Variants in DTNB observed in about 807,000 individuals in gnomAD.
DTNB encodes the protein dystrobrevin beta, also known as DTN-B.
DTNB carries 63 observed loss-of-function variants against 90.7 expected under a neutral mutation model. The ratio of observed to expected loss-of-function variants is 0.69; its 90% confidence interval spans 0.57 to 0.86. DTNB has a LOEUF of 0.86. Among genes scored for constraint, DTNB ranks in the 40% least tolerant of loss-of-function variants. The pLI is 0.00. For missense variants in DTNB, 744 were observed against 807.1 expected (o/e 0.92, Z 0.95); for synonymous variants, 277 against 286.7 (o/e 0.97, Z 0.34).
intron 5 of DTNB, among the ~76,000 whole-genome samples, chr2:25,596,635 T>G (rs970400050): frequency 2.6e-5 from 4 of 152,160 alleles, no homozygotes; most frequent in Non-Finnish European, 4.4e-5. Context: ...CATGATTGAG[T>G]ATATAAATAC....
intron 3 of DTNB, among the ~76,000 whole-genome samples, chr2:25,629,826 G>A (rs894839888): frequency 2.0e-5 from 3 of 152,166 alleles, no homozygotes; most frequent in Non-Finnish European, 2.9e-5. Flanking sequence ...AAGACTGAAA[G>A]CTCTCCCCTC....
At chr2:25,577,634 A>T (rs1239918848) in intron 7 of DTNB, among the ~76,000 whole-genome samples, 1 of 152,218 alleles carries the variant, frequency 6.6e-6, no homozygotes, top group Admixed American at 6.5e-5. Flanking sequence ...ATCACTATTT[A>T]TACTTTTAAA....
chr2:25,383,191 C>CTCT (rs67551660), intron 19 of DTNB, among the ~76,000 whole-genome samples: 1 of 21,040 alleles, frequency 4.8e-5, no homozygotes, highest in East Asian at 3.2e-4. Flanking sequence ...TTCATTTGAT[C>CTCT]TATTTATTTT....
At chr2:25,545,475 T>A (rs1054329913) in intron 8 of DTNB, among the ~76,000 whole-genome samples, 4 of 152,304 alleles carry the variant, frequency 2.6e-5, no homozygotes, top group Non-Finnish European at 5.9e-5. Flanking sequence ...AGAGGGATTT[T>A]TTTTGTCTTC....
chr2:25,635,071 T>G (rs858658), intron 3 of DTNB, among the ~76,000 whole-genome samples: 9,369 of 131,400 alleles, frequency 0.071, 368 homozygotes, highest in South Asian at 0.12. Context: ...AATAAAAAAA[T>G]AAAAAAAGAA....
chr2:25,449,891 T>C (rs2059015601), intron 12 of DTNB, among the ~76,000 whole-genome samples: 1 of 151,906 alleles, frequency 6.6e-6, no homozygotes, highest in East Asian at 1.9e-4. Context: ...GCCTCCCAAG[T>C]AGCTGGGACT....
At chr2:25,486,496 T>C (rs2066183020) in intron 9 of DTNB, among the ~76,000 whole-genome samples, 1 of 151,804 alleles carries the variant, frequency 6.6e-6, no homozygotes, top group Non-Finnish European at 1.5e-5. Flanking sequence ...GAGTCTGGCA[T>C]GGTTGCACGT....
chr2:25,611,665 G>A (rs2068652457), intron 4 of DTNB, among the ~76,000 whole-genome samples: 1 of 152,080 alleles, frequency 6.6e-6, no homozygotes, highest in Non-Finnish European at 1.5e-5. Flanking sequence ...CCGTCCTTAG[G>A]ATCCTATCGA....
chr2:25,657,475 G>T (rs12478242), intron 1 of DTNB, among the ~76,000 whole-genome samples: 72,375 of 151,998 alleles, frequency 0.48, 17,923 homozygotes, highest in East Asian at 0.79. Flanking sequence ...CCAACAGGAT[G>T]TGGAAGGCTG....
At chr2:25,577,746 T>A (rs56358060) in intron 7 of DTNB, among the ~76,000 whole-genome samples, 11,604 of 152,088 alleles carry the variant, frequency 0.076, 1,398 homozygotes, top group African/African-American at 0.26. Flanking sequence ...CTCACGCCTG[T>A]AATCCTAGCA....
At chr2:25,491,179 A>C (rs1211363901) in intron 9 of DTNB, among the ~76,000 whole-genome samples, 2 of 149,986 alleles carry the variant, frequency 1.3e-5, no homozygotes, top group Non-Finnish European at 3.0e-5. Flanking sequence ...AGAGGGAGAG[A>C]GAGAGGGAGG....
At chr2:25,442,658 G>A (rs1334534045) in intron 12 of DTNB, among the ~76,000 whole-genome samples, 2 of 152,180 alleles carry the variant, frequency 1.3e-5, no homozygotes, top group African/African-American at 2.4e-5. Flanking sequence ...GGTTATGTAA[G>A]TAAAAAACAC....
intron 16 of DTNB, among the ~76,000 whole-genome samples, chr2:25,394,121 A>G (rs1385701340): frequency 6.6e-6 from 1 of 152,190 alleles, no homozygotes. Flanking sequence ...TCTTTGACAA[A>G]GCAAACAAAA....
chr2:25,670,057 A>G (rs1450353800), intron 1 of DTNB, among the ~76,000 whole-genome samples: 3 of 152,216 alleles, frequency 2.0e-5, no homozygotes, highest in Admixed American at 6.5e-5. Context: ...CACTGCAGCA[A>G]CGGTCCTTAA....
rs774642204 is a variant in DTNB at position 25,433,927 on chromosome 2, T to C, written c.1326A>G (p.Glu442=). 2 of 1,613,824 alleles carry C rather than the reference T, an allele frequency of 1.2e-6. No individual in the cohort carries two copies. The highest frequency in any genetic ancestry group is 1.7e-5 in the Admixed American group (1 of 59,996). Reference sequence around the variant, plus strand: ...GTTCTTACCTGTTTTTGTTTTCCAGTTCTGCAATAAGCTGTCTTTGTTGTT... The same window carrying C: ...GTTCTTACCTGTTTTTGTTTTCCAGCTCTGCAATAAGCTGTCTTTGTTGTT... ...ANKQQRQLIA[E]LENKNREILQ... The change falls in exon 13 of 21, where the codon GAA becomes GAG. Residue 442 remains glutamate, a synonymous_variant. Transcript: ENST00000406818.
chr2:25,459,722 G>A (rs527244162), intron 10 of DTNB, among the ~76,000 whole-genome samples: 11 of 152,220 alleles, frequency 7.2e-5, no homozygotes, highest in Non-Finnish European at 1.6e-4. Flanking sequence ...TTGAACTCCT[G>A]ACTTCAAGTG....
At chr2:25,658,337 C>G (rs1415772227) in intron 1 of DTNB, among the ~76,000 whole-genome samples, 1 of 152,018 alleles carries the variant, frequency 6.6e-6, no homozygotes, top group South Asian at 2.1e-4. Context: ...TGGGAATGCA[C>G]AAGCAGTCAC....
rs767471773 is a variant in DTNB, at chr2:25,576,872, C to T, written c.842G>A (p.Ser281Asn). The T allele has an allele frequency of 6.2e-7, 1 of 1,613,042 alleles. No individual in the cohort carries two copies. ...FWRGHAGGPH[S>N]NQHQMKEHSS... ...ATGCTCCTTCATCTGGTGCTGGTTGCTGTGAGGGCCGCCGGCATGGCCACG... is the reference window on the plus strand; with the variant it reads ...ATGCTCCTTCATCTGGTGCTGGTTGTTGTGAGGGCCGCCGGCATGGCCACG... Residue 281 changes from serine to asparagine, a missense_variant, in exon 8 of 21, where the codon AGC becomes AAC. Coordinates refer to ENST00000406818, the MANE Select transcript of DTNB (RefSeq NM_021907.5).
intron 16 of DTNB, among the ~76,000 whole-genome samples, chr2:25,399,114 T>C (rs2043068774): frequency 6.6e-6 from 1 of 152,204 alleles, no homozygotes; most frequent in Admixed American, 6.5e-5. Context: ...AGTGGCGCGA[T>C]CTCGGCTCAC....
Sources: gnomAD v4.1 joint callset for allele counts (sites outside exome capture counted in the v4.1 genomes callset) on GRCh38, gnomAD v4.1.1 for gene constraint, MANE v1.5 for transcripts, NCBI Gene and HGNC (gene_info 2026-07-23, HGNC 2026-07-21) for gene names.